RABL3: variants seen among roughly 807,000 people sequenced by gnomAD.
The protein encoded by RABL3 is rab-like protein 3.
A neutral mutation model predicts 31.8 loss-of-function variants in RABL3; 31 were observed. The observed-to-expected ratio is 0.97, with a 90% CI of 0.73 to 1.31. The LOEUF (loss-of-function observed/expected upper bound fraction) is 1.31. Ranked by LOEUF, RABL3 falls within the 40% of genes most tolerant of loss-of-function variation. The probability of loss-of-function intolerance (pLI) is 0.00; values close to 1 mark genes in which losing one functional copy is unlikely to be tolerated. For synonymous variants in RABL3, 97 were observed against 99.9 expected, an observed-to-expected ratio of 0.97 and a Z score of 0.18; for missense variants, 263 against 279.6, an observed-to-expected ratio of 0.94 and a Z score of 0.42.
At chr3:120,712,216 G>C (rs1708620549) in intron 2 of RABL3, among the ~76,000 whole-genome samples, 1 of 152,060 alleles carries the variant, frequency 6.6e-6, no homozygotes, top group South Asian at 2.1e-4. Context: ...ACATTAAGAA[G>C]ACAATTATCA....
rs955088111 is a variant in RABL3, at chr3:120,686,125, C to T, written c.*3698G>A. On this transcript the variant is annotated 3_prime_UTR_variant, in exon 8 of 8. Coordinates refer to ENST00000273375, the MANE Select transcript of RABL3 (RefSeq NM_173825.5). The stretch of plus-strand genomic sequence containing the variant: ...AGACACAGGGTTAGACTTCCTGCGA[C>T]CCTTCCTCTCCCACCACAGTGATTT... 6.6e-6 allele frequency among the ~76,000 whole-genome samples: 1 copy of T among 152,232 alleles called. No individual in the cohort carries two copies. Among genetic ancestry groups the T allele is most frequent in the African/African-American group, 2.4e-5 (1 of 41,458 alleles).
upstream of RABL3, chr3:120,742,537 T>C (rs2107602324): frequency 6.2e-7 from 1 of 1,612,884 alleles, no homozygotes; most frequent in East Asian, 2.2e-5. Flanking sequence ...GGTTAACGCC[T>C]GTTCCTGGAT....
intron 2 of RABL3, among the ~76,000 whole-genome samples, chr3:120,726,558 T>G (rs573765304): frequency 6.6e-6 from 1 of 151,992 alleles, no homozygotes; most frequent in African/African-American, 2.4e-5. Context: ...CTAGCCAACA[T>G]GGCAAAACCC....
intron 1 of RABL3, among the ~76,000 whole-genome samples, chr3:120,738,947 G>A (rs142186121): frequency 5.6e-4 from 86 of 152,294 alleles, no homozygotes; most frequent in South Asian, 1.7e-3. Flanking sequence ...AACATTTAAA[G>A]TTCTTGATAT....
At chr3:120,725,568 G>A (rs1238660601) in intron 2 of RABL3, among the ~76,000 whole-genome samples, 1 of 152,158 alleles carries the variant, frequency 6.6e-6, no homozygotes, top group Non-Finnish European at 1.5e-5. Flanking sequence ...CAATGGTAGA[G>A]TGGATTAAGA....
Position 120,709,848 on chromosome 3 carries a change from ACATCC to A in RABL3, c.195_199del (p.Trp65CysfsTer34), listed in dbSNP as rs1708592863. ...GCTGGCACTGCCCACAGAGCCTCCA[ACATCC>A]CATAATTCTATGTAGTAGGTCTTCT... On this transcript the variant is annotated frameshift_variant, in exon 3 of 8. Coordinates refer to ENST00000273375, the MANE Select transcript of RABL3 (RefSeq NM_173825.5). LOFTEE classifies it high-confidence loss of function. 1.2e-6 allele frequency: 2 copies of A among 1,611,650 alleles called. No individual in the cohort carries two copies. The highest frequency in any genetic ancestry group is 2.7e-5 in the African/African-American group (2 of 74,870).
At chr3:120,692,212 T>C (rs943383634) in intron 6 of RABL3, among the ~76,000 whole-genome samples, 1 of 152,096 alleles carries the variant, frequency 6.6e-6, no homozygotes, top group African/African-American at 2.4e-5. Flanking sequence ...TTTTTTTGTT[T>C]GTTTCAGATG....
intron 2 of RABL3, among the ~76,000 whole-genome samples, chr3:120,714,975 T>G (rs1387629632): frequency 6.6e-6 from 1 of 152,208 alleles, no homozygotes; most frequent in Non-Finnish European, 1.5e-5. Context: ...AATTGTCTTT[T>G]GAGCTTCAGC....
Position 120,734,431 on chromosome 3 carries a change from C to T in RABL3, c.47-3644G>A, listed in dbSNP as rs188045452. Among the ~76,000 whole-genome samples the T allele has an allele frequency of 1.8e-4, 27 of 152,236 alleles. 2 individuals carry two copies. Among genetic ancestry groups the T allele is most frequent in the Middle Eastern group, 3.4e-3 (1 of 294 alleles). On this transcript the variant is annotated intron_variant, in intron 1 of 7. Transcript: ENST00000273375. ...TTTGCTGAAGTAGCTTATCAGCTTA[C>T]GGAGATTTTGGGCTGAGACGATGGG...
At chr3:120,738,052 G>C (rs559332558) in intron 1 of RABL3, among the ~76,000 whole-genome samples, 1 of 152,282 alleles carries the variant, frequency 6.6e-6, no homozygotes, top group East Asian at 1.9e-4. Context: ...AAAGCTGTCC[G>C]ACAGGGACAT....
intron 1 of RABL3, among the ~76,000 whole-genome samples, chr3:120,735,288 C>A (rs1394842605): frequency 6.6e-6 from 1 of 152,070 alleles, no homozygotes; most frequent in Middle Eastern, 3.2e-3. Context: ...TGTATGTGTC[C>A]AGGAATTTAT....
At chr3:120,734,541 C>T (rs1330828879) in intron 1 of RABL3, among the ~76,000 whole-genome samples, 3 of 152,184 alleles carry the variant, frequency 2.0e-5, no homozygotes, top group Non-Finnish European at 4.4e-5. Flanking sequence ...TTATTTCCTT[C>T]TCCTGCCTGA....
At chr3:120,697,349 A>G (rs544676345) in intron 5 of RABL3, among the ~76,000 whole-genome samples, 5 of 152,200 alleles carry the variant, frequency 3.3e-5, no homozygotes, top group Non-Finnish European at 5.9e-5. Context: ...TAGTAATAGT[A>G]CCTGTCTTAT....
At chr3:120,737,390 T>C (rs536909778) in intron 1 of RABL3, among the ~76,000 whole-genome samples, 1 of 152,256 alleles carries the variant, frequency 6.6e-6, no homozygotes, top group Non-Finnish European at 1.5e-5. Flanking sequence ...ATTTAAGGAC[T>C]TCTCTACATT....
At chr3:120,724,861 A>C (rs1708797965) in intron 2 of RABL3, among the ~76,000 whole-genome samples, 1 of 152,092 alleles carries the variant, frequency 6.6e-6, no homozygotes, top group Non-Finnish European at 1.5e-5. Flanking sequence ...AAGAAAACCT[A>C]GGCAATACCA....
At position 120,742,443 on chromosome 3, in the gene RABL3, G is replaced by C; in HGVS notation, c.46+19C>G. 1 of 1,613,270 alleles carries C rather than the reference G, an allele frequency of 6.2e-7. No individual in the cohort carries two copies. On this transcript the variant is annotated intron_variant, in intron 1 of 7. Coordinates refer to ENST00000273375, the MANE Select transcript of RABL3 (RefSeq NM_173825.5). ...ACTCAAAAGTGTCTGGAGCCCCAGA[G>C]GTAGGGTAAGCCGCTCACCTGAGTC...
chr3:120,715,710 G>T (rs1038563661), intron 2 of RABL3, among the ~76,000 whole-genome samples: 2 of 151,860 alleles, frequency 1.3e-5, no homozygotes, highest in African/African-American at 2.4e-5. Context: ...GAGGCTATTG[G>T]CTACTATATT....
At chr3:120,699,721 C>T (rs375685715) in intron 4 of RABL3, among the ~76,000 whole-genome samples, 24 of 152,092 alleles carry the variant, frequency 1.6e-4, no homozygotes, top group African/African-American at 4.1e-4. Flanking sequence ...AATCTTACAG[C>T]GCCTCAGCAA....
chr3:120,717,874 T>C (rs942613756), intron 2 of RABL3, among the ~76,000 whole-genome samples: 3 of 152,216 alleles, frequency 2.0e-5, no homozygotes. Context: ...TCTGGGACTT[T>C]GCACAAAAGC....
Sources: allele counts gnomAD v4.1 joint callset (sites outside exome capture counted in the v4.1 genomes callset), GRCh38; gene constraint gnomAD v4.1.1; transcripts MANE v1.5; gene names NCBI Gene and HGNC (gene_info 2026-07-23, HGNC 2026-07-21).